GTF2IRD1: variants seen among roughly 807,000 people sequenced by gnomAD.
The protein encoded by GTF2IRD1 is GTF2I repeat domain containing 1.
Under a neutral mutation model 113.2 loss-of-function variants are expected in GTF2IRD1, and 26 were observed. The ratio of observed to expected loss-of-function variants is 0.23; its 90% CI spans 0.17 to 0.32. The LOEUF (loss-of-function observed/expected upper bound fraction) is 0.32. Ranked by LOEUF, GTF2IRD1 falls within the 10% of genes least tolerant of loss-of-function variation. GTF2IRD1 has a pLI of 1.00. For missense variants in GTF2IRD1, 864 were observed against 1,280.8 expected, an observed-to-expected ratio of 0.67 and a Z score of 4.97; for synonymous variants, 484 against 529.1, an observed-to-expected ratio of 0.91 and a Z score of 1.17.
chr7:74,455,005 C>T (rs1325571076), intron 1 of GTF2IRD1, among the ~76,000 whole-genome samples: 2 of 152,150 alleles, frequency 1.3e-5, no homozygotes, highest in African/African-American at 2.4e-5. Flanking sequence ...CCTCGCCTGG[C>T]GTGGGCCCAG....
At chr7:74,571,216 G>A (rs782593329) in intron 22 of GTF2IRD1, 13 of 654,626 alleles carry the variant, frequency 2.0e-5, no homozygotes, top group Non-Finnish European at 2.3e-5. Context: ...TTCCCTACTT[G>A]TAAAATGAGA....
chr7:74,505,183 C>A (rs1192174078), intron 1 of GTF2IRD1, among the ~76,000 whole-genome samples: 1 of 152,182 alleles, frequency 6.6e-6, no homozygotes, highest in African/African-American at 2.4e-5. Flanking sequence ...CCGCACCCGG[C>A]CTCTGCCTTC....
intron 22 of GTF2IRD1, among the ~76,000 whole-genome samples, chr7:74,569,752 G>A (rs587669264): frequency 5.3e-5 from 8 of 152,324 alleles, no homozygotes; most frequent in Non-Finnish European, 5.9e-5. Context: ...GATGGGGTTA[G>A]GATCTAGAGG....
At chr7:74,530,323 G>A (rs1406473482) in intron 9 of GTF2IRD1, among the ~76,000 whole-genome samples, 9 of 152,132 alleles carry the variant, frequency 5.9e-5, no homozygotes, top group Non-Finnish European at 1.2e-4. Flanking sequence ...GCAATGATGG[G>A]GCAGGGGCAG....
intron 1 of GTF2IRD1, among the ~76,000 whole-genome samples, chr7:74,468,895 T>A (rs1252414351): frequency 2.0e-5 from 3 of 150,950 alleles, no homozygotes; most frequent in Non-Finnish European, 4.4e-5. Flanking sequence ...CCATCCTGGC[T>A]AACATGGTGA....
At chr7:74,575,831 TCCAGGC>T (rs1484160865) in intron 22 of GTF2IRD1, among the ~76,000 whole-genome samples, 1 of 152,098 alleles carries the variant, frequency 6.6e-6, no homozygotes, top group Non-Finnish European at 1.5e-5. Context: ...AGGGGAGCAG[TCCAGGC>T]TTGAGATATG....
At chr7:74,520,686 C>G (rs1326362141) in intron 6 of GTF2IRD1, among the ~76,000 whole-genome samples, 3 of 138,812 alleles carry the variant, frequency 2.2e-5, no homozygotes, top group African/African-American at 8.1e-5. Context: ...AATTCCAGCT[C>G]TTTGGGAGGC....
chr7:74,555,343 C>T lies in GTF2IRD1; in HGVS notation c.1967-95C>T, dbSNP rs114519362. The stretch of plus-strand genomic sequence containing the variant: ...CTCCCATCCTGGCCCTGGCATTCTC[C>T]CCACACCCCCACATTGGGTTTCCCC... On this transcript the variant is annotated intron_variant, in intron 18 of 26. Coordinates refer to ENST00000424337, the MANE Select transcript of GTF2IRD1 (RefSeq NM_005685.4). The surrounding 1 kb of genome is among the most constrained non-coding windows in gnomAD (Gnocchi z 5.3). 553 of 1,456,694 alleles carry T rather than the reference C, an allele frequency of 3.8e-4. 2 individuals carry two copies. In the African/African-American group the frequency reaches 6.8e-3, roughly 18 times the overall value. The allele number at this position is 1,456,694 out of a possible 1,614,324, so 90.2% of individuals were successfully genotyped here. A position where few individuals can be genotyped will look rare whatever the true frequency, so the allele number is the denominator to read the frequency against.
chr7:74,465,703 T>C (rs1225887593), intron 1 of GTF2IRD1, among the ~76,000 whole-genome samples: 1 of 152,142 alleles, frequency 6.6e-6, no homozygotes, highest in Non-Finnish European at 1.5e-5. Context: ...TCTGTTCTTA[T>C]TTTCTGCCTG....
intron 14 of GTF2IRD1, among the ~76,000 whole-genome samples, chr7:74,541,911 A>AATAGATAGATCGATAGATAG (rs1798655813): frequency 6.7e-6 from 1 of 150,034 alleles, no homozygotes; most frequent in Non-Finnish European, 1.5e-5. Flanking sequence ...AAAATAACTA[A>AATAGATAGATCGATAGATAG]ATAGATAGAT....
chr7:74,535,102 T>C lies in GTF2IRD1; in HGVS notation c.1275-11T>C, dbSNP rs587597847. The stretch of plus-strand genomic sequence containing the variant: ...GCACTGTTCTCATGCCTGTCTCTCT[T>C]CTCTCCCCAGGATGTTTGATGAGCG... On this transcript the variant is annotated splice_polypyrimidine_tract_variant and intron_variant, in intron 9 of 26. Coordinates refer to ENST00000424337, the MANE Select transcript of GTF2IRD1 (RefSeq NM_005685.4). The C allele has an allele frequency of 1.2e-5, 19 of 1,612,082 alleles. No individual in the cohort carries two copies. In the South Asian group the frequency reaches 1.9e-4, roughly 16 times the overall value.
intron 26 of GTF2IRD1, 165 bp downstream of exon 26, chr7:74,601,345 ACCCAAGAGGTAG>A (rs1159708977): frequency 6.5e-7 from 1 of 1,531,740 alleles, no homozygotes; most frequent in African/African-American, 1.4e-5. Context: ...CACCTGTCTC[ACCCAAGAGGTAG>A]CCCATCCTTC....
At position 74,522,172 on chromosome 7, in the gene GTF2IRD1, C is replaced by A. The variant is rs180702430; in HGVS notation, c.1006+875C>A. ...GCTGTCATATTCTATCTGTTAGAAGCCAGAAACATGATCCAGCCTTCCCTC... is the reference window on the plus strand; with the variant it reads ...GCTGTCATATTCTATCTGTTAGAAGACAGAAACATGATCCAGCCTTCCCTC... On this transcript the variant is annotated intron_variant, in intron 7 of 26. Transcript: ENST00000424337. 1.9e-3 allele frequency among the ~76,000 whole-genome samples: 284 copies of A among 151,864 alleles called. 1 individual carries two copies. Among genetic ancestry groups the A allele is most frequent in the African/African-American group, 6.7e-3 (276 of 41,352 alleles).
intron 1 of GTF2IRD1, among the ~76,000 whole-genome samples, chr7:74,472,713 C>T (rs1554332696): frequency 6.6e-6 from 1 of 152,208 alleles, no homozygotes; most frequent in African/African-American, 2.4e-5. Context: ...GATCGCACCA[C>T]TGCCCTCCAG....
Position 74,538,700 on chromosome 7 carries a change from G to A in GTF2IRD1, c.1468G>A (p.Gly490Arg), listed in dbSNP as rs373752728. The A allele has an allele frequency of 2.7e-5, 44 of 1,603,784 alleles. No individual in the cohort carries two copies. In the East Asian group the frequency reaches 4.9e-4, roughly 18 times the overall value. Residue 490 changes from glycine to arginine, a missense_variant, in exon 13 of 27, where the codon GGG becomes AGG. This residue lies in a region of GTF2IRD1 where 218 missense variants were observed against 352.6 expected (regional missense o/e 0.62). Transcript: ENST00000424337. ...TGCAGGAACCTCCGGGGAGCTGGGC[G>A]GGCTGAGGCCGATCAAAATTGAGCC... ...CGPGTSGELG[G>R]LRPIKIEPED...
intron 22 of GTF2IRD1, among the ~76,000 whole-genome samples, chr7:74,589,461 G>T (rs1801923321): frequency 6.6e-6 from 1 of 152,176 alleles, no homozygotes; most frequent in Non-Finnish European, 1.5e-5. Context: ...ACTTTGGGAG[G>T]CTGAGGCGGG....
At position 74,507,933 on chromosome 7, in the gene GTF2IRD1, C is replaced by G. The variant is rs1045410570; in HGVS notation, c.-6-142C>G. ...GGCTCTAATCCCATCACACATAAAGCCCTTGGGCCCAGGGAAGGTCAGCCC... is the reference window on the plus strand; with the variant it reads ...GGCTCTAATCCCATCACACATAAAGGCCTTGGGCCCAGGGAAGGTCAGCCC... On this transcript the variant is annotated intron_variant, in intron 1 of 26. Coordinates refer to ENST00000424337, the MANE Select transcript of GTF2IRD1 (RefSeq NM_005685.4). 13 of 844,286 alleles carry G rather than the reference C, an allele frequency of 1.5e-5. 1 individual carries two copies. In the South Asian group the frequency reaches 1.8e-4, roughly 12 times the overall value. 52.3% of individuals were successfully genotyped at this position (844,286 alleles called of 1,614,324 possible). A position where few individuals can be genotyped will look rare whatever the true frequency, so the allele number is the denominator to read the frequency against.
chr7:74,528,277 C>G (rs868946965), intron 8 of GTF2IRD1, among the ~76,000 whole-genome samples: 121 of 152,332 alleles, frequency 7.9e-4, no homozygotes, highest in African/African-American at 2.8e-3. Flanking sequence ...GTGGTGCAAT[C>G]ACAGCTCACT....
At chr7:74,531,101 T>C (rs1490554425) in intron 9 of GTF2IRD1, among the ~76,000 whole-genome samples, 2 of 151,978 alleles carry the variant, frequency 1.3e-5, no homozygotes, top group Non-Finnish European at 2.9e-5. Flanking sequence ...CATGGTGGCC[T>C]GGATTACGCC....
Sources: gnomAD v4.1 joint callset for allele counts (sites outside exome capture counted in the v4.1 genomes callset) on GRCh38, gnomAD v4.1.1 for gene constraint, gnomAD v4.1.1 regional missense constraint, Gnocchi (gnomAD v3.1) non-coding constraint, MANE v1.5 for transcripts, NCBI Gene and HGNC (gene_info 2026-07-23, HGNC 2026-07-21) for gene names.